SPRR2B: variants seen among roughly 807,000 people sequenced by gnomAD.
The protein encoded by SPRR2B is small proline-rich protein 2B.
SPRR2B carries 1 observed loss-of-function variant against 1.0 expected under a neutral mutation model. That is an observed-to-expected ratio of 1.01 (90% confidence interval 0.36 to 4.77). The LOEUF (loss-of-function observed/expected upper bound fraction) is 4.77. Ranked by LOEUF, SPRR2B falls within the 30% of genes most tolerant of loss-of-function variation. SPRR2B has a pLI of 0.16. For missense variants in SPRR2B, 53 were observed against 88.7 expected, an observed-to-expected ratio of 0.60 and a Z score of 1.62; for synonymous variants, 27 against 33.4, an observed-to-expected ratio of 0.81 and a Z score of 0.66.
the SPRR2B span, among the ~76,000 whole-genome samples, chr1:153,081,791 G>T: frequency 6.6e-6 from 1 of 150,394 alleles, no homozygotes; most frequent in African/African-American, 2.4e-5. Context: ...ACAGGATAAG[G>T]TTGTATGAGT....
At chr1:153,079,759 T>G in the SPRR2B span, among the ~76,000 whole-genome samples, 2 of 152,152 alleles carry the variant, frequency 1.3e-5, no homozygotes, top group Admixed American at 1.3e-4. Context: ...GCTGTTTTGG[T>G]TACTGTAGCC....
chr1:153,071,069 T>C (rs1654655329), intron 1 of SPRR2B, among the ~76,000 whole-genome samples: 1 of 127,554 alleles, frequency 7.8e-6, no homozygotes, highest in African/African-American at 2.6e-5. Flanking sequence ...TCATACAATT[T>C]TTCCAAAGAA....
the SPRR2B span, among the ~76,000 whole-genome samples, chr1:153,085,137 A>G: frequency 6.6e-6 from 1 of 152,218 alleles, no homozygotes; most frequent in Non-Finnish European, 1.5e-5. Flanking sequence ...CCTCCAAACA[A>G]CCACACAGCC....
At chr1:153,078,661 G>T in the SPRR2B span, among the ~76,000 whole-genome samples, 2 of 152,224 alleles carry the variant, frequency 1.3e-5, no homozygotes, top group African/African-American at 4.8e-5. Flanking sequence ...ATGGTTTCCA[G>T]CTTCATCCAT....
chr1:153,075,288 G>C (rs1377535568), upstream of SPRR2B, among the ~76,000 whole-genome samples: 2 of 152,012 alleles, frequency 1.3e-5, no homozygotes, highest in African/African-American at 2.4e-5. Flanking sequence ...GTTGCAGTGA[G>C]GTGGCGTCAC....
chr1:153,086,993 C>T, the SPRR2B span, among the ~76,000 whole-genome samples: 2 of 152,024 alleles, frequency 1.3e-5, no homozygotes, highest in East Asian at 1.9e-4. Context: ...GATAAATAAT[C>T]AAATTAAGGA....
the SPRR2B span, among the ~76,000 whole-genome samples, chr1:153,084,390 A>G: frequency 2.6e-5 from 4 of 152,082 alleles, no homozygotes; most frequent in African/African-American, 4.8e-5. Context: ...TTTCATGCCA[A>G]TGTATACCCT....
the SPRR2B span, among the ~76,000 whole-genome samples, chr1:153,086,007 T>C: frequency 6.6e-6 from 1 of 152,212 alleles, no homozygotes. Flanking sequence ...CCCCCAGACC[T>C]ACCTTACTAG....
At chr1:153,073,816 A>T (rs549294290), upstream of SPRR2B, among the ~76,000 whole-genome samples, 1 of 152,218 alleles carries the variant, frequency 6.6e-6, no homozygotes, top group African/African-American at 2.4e-5. Context: ...CCTTAGGTTC[A>T]TTCCTATTAC....
At chr1:153,074,360 G>T (rs1352736028), upstream of SPRR2B, among the ~76,000 whole-genome samples, 21 of 152,046 alleles carry the variant, frequency 1.4e-4, no homozygotes, top group Admixed American at 1.4e-3. Context: ...AATTAAATAT[G>T]AAAAAATAAA....
the SPRR2B span, among the ~76,000 whole-genome samples, chr1:153,079,717 G>T: frequency 1.4e-4 from 21 of 152,010 alleles, no homozygotes; most frequent in African/African-American, 5.1e-4. Flanking sequence ...CTGTTCCATT[G>T]GTCTATATCT....
At chr1:153,080,721 AAACT>A in the SPRR2B span, among the ~76,000 whole-genome samples, 1 of 152,232 alleles carries the variant, frequency 6.6e-6, no homozygotes, top group Non-Finnish European at 1.5e-5. Context: ...AAAAAAATAC[AAACT>A]AACTCACAAT....
the SPRR2B span, among the ~76,000 whole-genome samples, chr1:153,083,908 G>A: frequency 8.3e-4 from 126 of 152,288 alleles, no homozygotes; most frequent in Non-Finnish European, 1.6e-3. Context: ...CAACTTGCTC[G>A]CATAGGAGAC....
At chr1:153,077,632 T>G in the SPRR2B span, among the ~76,000 whole-genome samples, 1 of 152,088 alleles carries the variant, frequency 6.6e-6, no homozygotes, top group African/African-American at 2.4e-5. Flanking sequence ...TTCTTTTTTT[T>G]TTTCGACACA....
At chr1:153,077,993 AT>A in the SPRR2B span, among the ~76,000 whole-genome samples, 1 of 152,264 alleles carries the variant, frequency 6.6e-6, no homozygotes. Flanking sequence ...TACAAAAAAA[AT>A]CTAATAAACA....
upstream of SPRR2B, among the ~76,000 whole-genome samples, chr1:153,072,987 A>T (rs2101611970): frequency 6.6e-6 from 1 of 152,328 alleles, no homozygotes; most frequent in African/African-American, 2.4e-5. Context: ...AGGACAAGGA[A>T]GATAAGAAAA....
At chr1:153,083,287 A>G in the SPRR2B span, among the ~76,000 whole-genome samples, 2 of 152,240 alleles carry the variant, frequency 1.3e-5, no homozygotes, top group African/African-American at 2.4e-5. Flanking sequence ...CTTTCAAAAA[A>G]GAAAGCTGAA....
At chr1:153,086,326 G>C in the SPRR2B span, among the ~76,000 whole-genome samples, 3 of 152,132 alleles carry the variant, frequency 2.0e-5, no homozygotes, top group Non-Finnish European at 4.4e-5. Flanking sequence ...TAAAGGGATG[G>C]AGAAAAATCC....
the SPRR2B span, among the ~76,000 whole-genome samples, chr1:153,082,747 A>G: frequency 1.3e-5 from 2 of 151,438 alleles, no homozygotes; most frequent in East Asian, 1.9e-4. Context: ...AACCACATAC[A>G]TTTTTAATGA....
Sources: gnomAD v4.1 joint callset for allele counts (sites outside exome capture counted in the v4.1 genomes callset) on GRCh38, gnomAD v4.1.1 for gene constraint, MANE v1.5 for transcripts, NCBI Gene and HGNC (gene_info 2026-07-23, HGNC 2026-07-21) for gene names.